Variants in VWC2L observed in about 807,000 individuals in gnomAD.
VWC2L encodes the protein von Willebrand factor C domain-containing protein 2-like.
In VWC2L, 10 loss-of-function variants were observed where a neutral mutation model predicts 21.6. That is an observed-to-expected ratio of 0.46 (90% CI 0.29 to 0.78). The LOEUF (loss-of-function observed/expected upper bound fraction) is 0.78. VWC2L is among the 30% of genes least tolerant of loss of function. The pLI is 0.10. For missense variants in VWC2L, 209 were observed against 277.1 expected, an observed-to-expected ratio of 0.75 and a Z score of 1.74; for synonymous variants, 96 against 94.3, an observed-to-expected ratio of 1.02 and a Z score of -0.10.
At chr2:214,525,320 A>C (rs1158244311) in intron 3 of VWC2L, 1 of 152,176 alleles carries the variant, frequency 6.6e-6, no homozygotes, top group African/African-American at 2.4e-5. Flanking sequence ...AAAAGTTTGC[A>C]CACAAGTAGT....
Position 214,578,312 on chromosome 2 carries a change from G to A in VWC2L, c.*2492G>A, listed in dbSNP as rs909171742. 3.9e-5 allele frequency: 6 copies of A among 152,260 alleles called. No homozygotes were observed. The highest frequency in any genetic ancestry group is 9.6e-5 in the African/African-American group (4 of 41,546). The allele number at this position is 152,260 out of a possible 1,614,324, so 9.4% of individuals were successfully genotyped here. ...TTTTGCATCAAAGCATTGGCACAGC[G>A]AGAGTCACAGCAAGAATTTACTAGA... On this transcript the variant is annotated 3_prime_UTR_variant, in exon 4 of 4. Transcript: ENST00000312504.
intron 3 of VWC2L, among the ~76,000 whole-genome samples, chr2:214,504,923 T>C (rs1038737270): frequency 1.3e-5 from 2 of 152,220 alleles, no homozygotes; most frequent in African/African-American, 4.8e-5. Flanking sequence ...GCACATCATT[T>C]AGTTCATTGC....
intron 3 of VWC2L, among the ~76,000 whole-genome samples, chr2:214,539,164 CTTGA>C (rs943237578): frequency 6.6e-6 from 1 of 152,046 alleles, no homozygotes; most frequent in African/African-American, 2.4e-5. Flanking sequence ...GACTACTGCA[CTTGA>C]TTAAGAATGG....
intron 3 of VWC2L, among the ~76,000 whole-genome samples, chr2:214,461,592 T>C (rs1703141417): frequency 6.6e-6 from 1 of 152,080 alleles, no homozygotes; most frequent in South Asian, 2.1e-4. Context: ...GTGGTACATA[T>C]GCACACCTGG....
rs775997055 is a variant in VWC2L, at chr2:214,575,666, T to C, written c.521-6T>C. 6.8e-6 allele frequency: 11 copies of C among 1,612,980 alleles called. No homozygotes were observed. In the Middle Eastern group the frequency reaches 1.7e-3, roughly 242 times the overall value. ...ATCAACTAATCAATGTATCTGTGTGTTTCAGGTCCAAACTGCTTTGCAGGA... is the reference window on the plus strand; with the variant it reads ...ATCAACTAATCAATGTATCTGTGTGCTTCAGGTCCAAACTGCTTTGCAGGA... On this transcript the variant is annotated splice_polypyrimidine_tract_variant and splice_region_variant and intron_variant, in intron 3 of 3. Transcript: ENST00000312504.
chr2:214,430,584 T>C (rs980507698), intron 2 of VWC2L, among the ~76,000 whole-genome samples: 1 of 152,182 alleles, frequency 6.6e-6, no homozygotes, highest in Non-Finnish European at 1.5e-5. Flanking sequence ...GTTTATTACC[T>C]ACCTAGTTTA....
rs1703278772 is a variant in VWC2L at position 214,469,876 on chromosome 2, T to C, written c.520+33118T>C. Among the ~76,000 whole-genome samples, 3 of 152,324 alleles carry C rather than the reference T, an allele frequency of 2.0e-5. No individual in the cohort carries two copies. In the South Asian group the frequency reaches 6.2e-4, roughly 32 times the overall value. ...GTATGAATGAATACTCGTGATATGA[T>C]TTTTCTTTATGGCATGGTTGTAAAG... On this transcript the variant is annotated intron_variant, in intron 3 of 3. Transcript: ENST00000312504.
intron 3 of VWC2L, among the ~76,000 whole-genome samples, chr2:214,474,484 GA>G (rs1301847885): frequency 2.0e-5 from 3 of 151,972 alleles, no homozygotes; most frequent in East Asian, 1.9e-4. Flanking sequence ...ATTACAGAAA[GA>G]AAAAAATGCA....
At chr2:214,456,216 CT>C (rs1223977011) in intron 3 of VWC2L, among the ~76,000 whole-genome samples, 1 of 151,904 alleles carries the variant, frequency 6.6e-6, no homozygotes, top group Non-Finnish European at 1.5e-5. Flanking sequence ...TTTTTTGTCT[CT>C]TTGATAATAG....
intron 3 of VWC2L, among the ~76,000 whole-genome samples, chr2:214,566,391 T>C (rs943528111): frequency 4.6e-5 from 7 of 152,150 alleles, no homozygotes; most frequent in African/African-American, 1.7e-4. Flanking sequence ...CCTTGCATTT[T>C]ACTTAATTGG....
chr2:214,474,070 A>G (rs1177251698), intron 3 of VWC2L, among the ~76,000 whole-genome samples: 1 of 152,194 alleles, frequency 6.6e-6, no homozygotes, highest in Non-Finnish European at 1.5e-5. Context: ...AGGAAAGTCT[A>G]CAGGTTAAAG....
intron 3 of VWC2L, among the ~76,000 whole-genome samples, chr2:214,519,819 A>G (rs1689203951): frequency 6.6e-6 from 1 of 152,186 alleles, no homozygotes; most frequent in African/African-American, 2.4e-5. Context: ...GTTCACACGC[A>G]TGACCCAATG....
At chr2:214,445,743 T>A (rs1702828390) in intron 3 of VWC2L, among the ~76,000 whole-genome samples, 1 of 152,000 alleles carries the variant, frequency 6.6e-6, no homozygotes, top group Non-Finnish European at 1.5e-5. Flanking sequence ...ATATTATCCT[T>A]GTGATTTAAA....
At chr2:214,552,715 T>A (rs910451478) in intron 3 of VWC2L, among the ~76,000 whole-genome samples, 5 of 152,124 alleles carry the variant, frequency 3.3e-5, no homozygotes, top group Admixed American at 1.3e-4. Flanking sequence ...TATTATATAT[T>A]CTCTCTCTTC....
chr2:214,553,346 C>T (rs4233999), intron 3 of VWC2L, among the ~76,000 whole-genome samples: 93,160 of 152,162 alleles, frequency 0.61, 33,295 homozygotes, highest in East Asian at 0.83. Context: ...GGCTACAGCT[C>T]GATTTTATAT....
At chr2:214,569,194 T>C (rs1199223589) in intron 3 of VWC2L, among the ~76,000 whole-genome samples, 1 of 152,212 alleles carries the variant, frequency 6.6e-6, no homozygotes, top group Non-Finnish European at 1.5e-5. Context: ...CTCTAGTCTT[T>C]GTCTGCAATC....
At chr2:214,512,364 G>T (rs568080658) in intron 3 of VWC2L, among the ~76,000 whole-genome samples, 1 of 152,186 alleles carries the variant, frequency 6.6e-6, no homozygotes, top group Admixed American at 6.5e-5. Context: ...GAGAATACAT[G>T]GACATATAGA....
intron 3 of VWC2L, among the ~76,000 whole-genome samples, chr2:214,452,816 T>C (rs1702995751): frequency 6.6e-6 from 1 of 152,228 alleles, no homozygotes; most frequent in Non-Finnish European, 1.5e-5. Flanking sequence ...TGGTGTTAAG[T>C]TGCATTTTCC....
At chr2:214,539,199 T>G (rs1243963269) in intron 3 of VWC2L, among the ~76,000 whole-genome samples, 2 of 152,116 alleles carry the variant, frequency 1.3e-5, no homozygotes, top group Non-Finnish European at 2.9e-5. Flanking sequence ...TTGACAACAT[T>G]GCAAAGGGGA....
Sources: gnomAD v4.1 joint callset for allele counts (sites outside exome capture counted in the v4.1 genomes callset) on GRCh38, gnomAD v4.1.1 for gene constraint, MANE v1.5 for transcripts, NCBI Gene and HGNC (gene_info 2026-07-23, HGNC 2026-07-21) for gene names.